Variants in SLC6A11 observed in about 807,000 individuals in gnomAD.
SLC6A11 encodes solute carrier family 6 member 11, also known as sodium- and chloride-dependent GABA transporter 3.
Under a neutral mutation model 74.8 loss-of-function variants are expected in SLC6A11, and 25 were observed. The ratio of observed to expected loss-of-function variants is 0.33; its 90% CI spans 0.24 to 0.47. SLC6A11 has a LOEUF of 0.47. Among genes scored for constraint, SLC6A11 ranks in the 20% least tolerant of loss-of-function variants. The probability of loss-of-function intolerance (pLI) is 1.00; values close to 1 mark genes in which losing one functional copy is unlikely to be tolerated. For synonymous variants in SLC6A11, 330 were observed against 330.2 expected, an observed-to-expected ratio of 1.00 and a Z score of 0.01; for missense variants, 574 against 837.0, an observed-to-expected ratio of 0.69 and a Z score of 3.88.
chr3:10,890,167 T>C (rs1695091195), intron 6 of SLC6A11, among the ~76,000 whole-genome samples: 1 of 151,998 alleles, frequency 6.6e-6, no homozygotes, highest in Non-Finnish European at 1.5e-5. Context: ...GAACATTCTA[T>C]TGGACATTAG....
At chr3:10,865,869 CT>C (rs1694757501) in intron 5 of SLC6A11, among the ~76,000 whole-genome samples, 1 of 152,190 alleles carries the variant, frequency 6.6e-6, no homozygotes, top group Non-Finnish European at 1.5e-5. Flanking sequence ...TCTTCTCTTC[CT>C]GTCTGAGTAG....
chr3:10,844,108 C>G (rs1392588137), intron 4 of SLC6A11, 106 bp from the exon 5 acceptor site: 1 of 1,381,322 alleles, frequency 7.2e-7, no homozygotes, highest in Non-Finnish European at 1.0e-6. Context: ...CCACGGTGGA[C>G]GTGGGTGAAT....
intron 10 of SLC6A11, among the ~76,000 whole-genome samples, chr3:10,931,866 G>A (rs1490836099): frequency 1.3e-5 from 2 of 152,194 alleles, no homozygotes; most frequent in African/African-American, 2.4e-5. Flanking sequence ...GTCCCATGGT[G>A]TGTGGTCTGT....
rs367894283 is a variant in SLC6A11 at position 10,938,361 on chromosome 3, G to C, written c.1858G>C (p.Gly620Arg). Residue 620 changes from glycine (G) to arginine (R), a missense_variant, in exon 14 of 14, where the codon GGG becomes CGG. By Grantham distance (125) the Gly-to-Arg change is moderately radical. Coordinates refer to ENST00000254488, the MANE Select transcript of SLC6A11 (RefSeq NM_014229.3). ...NDCDAKLKSD[G>R]TIAAITEKET... is the part of the protein sequence containing the mutation. ...CTGTGATGCCAAACTCAAGAGTGACGGGACCATCGCAGCCATCACAGAGAA... is the reference window on the plus strand; with the variant it reads ...CTGTGATGCCAAACTCAAGAGTGACCGGACCATCGCAGCCATCACAGAGAA... The C allele has an allele frequency of 6.2e-7, 1 of 1,611,344 alleles. No individual in the cohort carries two copies. The highest frequency in any genetic ancestry group is 8.5e-7 in the Non-Finnish European group (1 of 1,177,892).
At chr3:10,838,027 G>A (rs988421407) in intron 4 of SLC6A11, among the ~76,000 whole-genome samples, 5 of 152,224 alleles carry the variant, frequency 3.3e-5, no homozygotes, top group Admixed American at 1.3e-4. Flanking sequence ...GCCCCTCAGC[G>A]CCAGCTTTTA....
At chr3:10,905,648 A>G (rs1695293286) in intron 6 of SLC6A11, among the ~76,000 whole-genome samples, 1 of 152,248 alleles carries the variant, frequency 6.6e-6, no homozygotes, top group African/African-American at 2.4e-5. Flanking sequence ...AGAGGCAAGG[A>G]TGACATTTGG....
Position 10,934,105 on chromosome 3 carries a change from G to A in SLC6A11, c.1514G>A (p.Gly505Asp). ...RFYDNIEDMIGYRPPSLIKWC... is the reference protein window; with the variant it reads ...RFYDNIEDMIDYRPPSLIKWC... ...TATGATAACATTGAAGACATGATTG[G>A]CTACCGGCCACCGTCGCTCATTAAG... Residue 505 changes from glycine (G) to aspartate (D), a missense_variant, in exon 12 of 14, where the codon GGC (glycine) becomes GAC (aspartate). Physicochemically the swap from Gly to Asp is moderately conservative, Grantham distance 94 (BLOSUM62 -1). Coordinates refer to ENST00000254488, the MANE Select transcript of SLC6A11 (RefSeq NM_014229.3). The A allele has an allele frequency of 6.2e-7, 1 of 1,613,824 alleles. No homozygotes were observed.
chr3:10,850,712 G>A (rs1307653246), intron 5 of SLC6A11, among the ~76,000 whole-genome samples: 8 of 152,176 alleles, frequency 5.3e-5, no homozygotes, highest in African/African-American at 1.9e-4. Flanking sequence ...GGAAGCGGCG[G>A]GGGTCAGGCG....
At chr3:10,878,249 G>C (rs1391682714) in intron 6 of SLC6A11, among the ~76,000 whole-genome samples, 6 of 152,040 alleles carry the variant, frequency 3.9e-5, no homozygotes, top group Admixed American at 3.9e-4. Flanking sequence ...CCCTCTTTCA[G>C]CTCATTCCAG....
chr3:10,880,326 T>C (rs1694960111), intron 6 of SLC6A11, among the ~76,000 whole-genome samples: 1 of 152,242 alleles, frequency 6.6e-6, no homozygotes, highest in Non-Finnish European at 1.5e-5. Context: ...CTGGAAATGA[T>C]CCTGCAGTTC....
At chr3:10,863,767 G>A (rs1428853556) in intron 5 of SLC6A11, among the ~76,000 whole-genome samples, 1 of 152,146 alleles carries the variant, frequency 6.6e-6, no homozygotes, top group East Asian at 1.9e-4. Context: ...GAAAGCAAAG[G>A]TTTGCAGGCA....
At chr3:10,869,026 T>C (rs1390835625) in intron 5 of SLC6A11, among the ~76,000 whole-genome samples, 1 of 152,260 alleles carries the variant, frequency 6.6e-6, no homozygotes, top group Non-Finnish European at 1.5e-5. Context: ...ACCTGCATTG[T>C]AACCTCAGAG....
chr3:10,829,063 C>G (rs964184914), intron 4 of SLC6A11, among the ~76,000 whole-genome samples: 1 of 152,148 alleles, frequency 6.6e-6, no homozygotes, highest in Admixed American at 6.5e-5. Context: ...ACCTGAACAC[C>G]CACCTGCAAG....
intron 6 of SLC6A11, among the ~76,000 whole-genome samples, chr3:10,883,853 G>C (rs1695011297): frequency 6.6e-6 from 1 of 152,112 alleles, no homozygotes; most frequent in Non-Finnish European, 1.5e-5. Flanking sequence ...GGCCCTCACT[G>C]AGGTGGGGGC....
At chr3:10,907,178 T>C (rs1270842653) in intron 6 of SLC6A11, among the ~76,000 whole-genome samples, 1 of 152,048 alleles carries the variant, frequency 6.6e-6, no homozygotes, top group African/African-American at 2.4e-5. Context: ...CATGAAATTG[T>C]CAGACAAAAA....
At chr3:10,846,596 ATTAAGTCTGAGCG>A (rs1363126443) in intron 5 of SLC6A11, among the ~76,000 whole-genome samples, 2 of 152,198 alleles carry the variant, frequency 1.3e-5, no homozygotes, top group African/African-American at 4.8e-5. Context: ...TGACTGGGCG[ATTAAGTCTGAGCG>A]TTGGAGAATT....
intron 12 of SLC6A11, among the ~76,000 whole-genome samples, chr3:10,934,812 G>A (rs1695736866): frequency 6.6e-6 from 1 of 152,228 alleles, no homozygotes; most frequent in Admixed American, 6.5e-5. Flanking sequence ...CCAGGGCCAC[G>A]TTCCCTGAGC....
chr3:10,903,742 T>C (rs1048003407), intron 6 of SLC6A11, among the ~76,000 whole-genome samples: 1 of 152,164 alleles, frequency 6.6e-6, no homozygotes, highest in Non-Finnish European at 1.5e-5. Context: ...TTCTGAATAC[T>C]CTCCAGAGTA....
chr3:10,839,007 C>G (rs1489833085), intron 4 of SLC6A11, among the ~76,000 whole-genome samples: 1 of 152,146 alleles, frequency 6.6e-6, no homozygotes, highest in Non-Finnish European at 1.5e-5. Context: ...CCCACTCCTT[C>G]CCTCCTGTCA....
Sources: gnomAD v4.1 joint callset for allele counts (sites outside exome capture counted in the v4.1 genomes callset) on GRCh38, gnomAD v4.1.1 for gene constraint, MANE v1.5 for transcripts, NCBI Gene and HGNC (gene_info 2026-07-23, HGNC 2026-07-21) for gene names.